Variants in TRMT11 observed in about 807,000 individuals in gnomAD.
The protein encoded by TRMT11 is tRNA methyltransferase 11.
A neutral mutation model predicts 62.8 loss-of-function variants in TRMT11; 53 were observed. That is an observed-to-expected ratio of 0.84 (90% confidence interval 0.68 to 1.06). The LOEUF (loss-of-function observed/expected upper bound fraction) is 1.06, where lower values mean the gene tolerates loss of function less well. Among genes scored for constraint, TRMT11 ranks in the 50% least tolerant of loss-of-function variants. TRMT11 has a pLI of 0.00. For missense variants in TRMT11, 556 were observed against 553.4 expected (o/e 1.00, Z -0.05); for synonymous variants, 188 against 190.3 (o/e 0.99, Z 0.10).
In TRMT11 at chr6:126,067,146, G is replaced by C. The variant is rs181065576; in HGVS notation, c.*1437+13956G>C. On this transcript the variant is annotated intron_variant and NMD_transcript_variant, in intron 17 of 22. Transcript: ENST00000648977. The stretch of plus-strand genomic sequence containing the variant: ...AGGAGGCTGAGGCAGGAGAATTGCT[G>C]CCGAGACTGTGCCATTGCACTCCAG... 3.2e-3 allele frequency among the ~76,000 whole-genome samples: 485 copies of C among 150,846 alleles called. 5 individuals carry two copies. The highest frequency in any genetic ancestry group is 0.011 in the African/African-American group (464 of 40,748).
downstream of TRMT11, among the ~76,000 whole-genome samples, chr6:126,204,284 A>G (rs1266251979): frequency 6.6e-6 from 1 of 152,168 alleles, no homozygotes; most frequent in Non-Finnish European, 1.5e-5. Flanking sequence ...TGCAGAATGC[A>G]TCACCTCAGC....
At chr6:126,110,166 A>C (rs1233701287) in intron 17 of TRMT11, among the ~76,000 whole-genome samples, 4 of 152,028 alleles carry the variant, frequency 2.6e-5, no homozygotes, top group African/African-American at 9.7e-5. Context: ...AGTTGTACCC[A>C]CCTTATCTGC....
chr6:126,096,282 G>T (rs191432427), intron 17 of TRMT11, among the ~76,000 whole-genome samples: 1 of 152,264 alleles, frequency 6.6e-6, no homozygotes, highest in East Asian at 1.9e-4. Context: ...CATTCATTCT[G>T]TTGTAAATTT....
intron 21 of TRMT11, among the ~76,000 whole-genome samples, chr6:126,128,874 A>G (rs11154345): frequency 0.25 from 38,261 of 151,396 alleles, 5,342 homozygotes; most frequent in Middle Eastern, 0.38. Flanking sequence ...GTAGGAGCAC[A>G]GCAGAAAAGA....
intron 17 of TRMT11, among the ~76,000 whole-genome samples, chr6:126,054,442 C>G (rs1776311022): frequency 1.3e-5 from 2 of 152,196 alleles, no homozygotes; most frequent in African/African-American, 4.8e-5. Flanking sequence ...CAGTAGAAAC[C>G]TTCCTGACCC....
chr6:126,121,637 G>C (rs961577970), intron 21 of TRMT11, among the ~76,000 whole-genome samples: 10 of 152,104 alleles, frequency 6.6e-5, no homozygotes, highest in Non-Finnish European at 1.5e-4. Context: ...TCCTAGTGCT[G>C]TTGTGAGGGT....
chr6:126,005,823 G>A (rs1188049866), intron 7 of TRMT11, among the ~76,000 whole-genome samples: 3 of 151,876 alleles, frequency 2.0e-5, no homozygotes, highest in Non-Finnish European at 2.9e-5. Flanking sequence ...CTCTGCAGCC[G>A]TAGATCTGAT....
At chr6:126,021,377 C>T in intron 12 of TRMT11, 97 bp downstream of exon 12, 2 of 1,396,416 alleles carry the variant, frequency 1.4e-6, no homozygotes, top group Non-Finnish European at 2.0e-6. Flanking sequence ...AATGTTATTC[C>T]TTGATATTTT....
chr6:126,250,906 A>AT, the TRMT11 span, among the ~76,000 whole-genome samples: 11 of 152,210 alleles, frequency 7.2e-5, no homozygotes, highest in African/African-American at 2.7e-4. Flanking sequence ...CCATCCAGAA[A>AT]TTATTGAATG....
At chr6:126,257,785 G>T in the TRMT11 span, 1 of 606,790 alleles carries the variant, frequency 1.6e-6, no homozygotes, top group Non-Finnish European at 2.9e-6. Flanking sequence ...CCCCAAAAAT[G>T]GAAAACGAAG....
intron 21 of TRMT11, among the ~76,000 whole-genome samples, chr6:126,171,511 G>A (rs922516457): frequency 2.0e-5 from 3 of 151,956 alleles, no homozygotes; most frequent in Non-Finnish European, 1.5e-5. Flanking sequence ...AATTATTTCA[G>A]GTTGTTGAAC....
At chr6:126,264,137 G>C in the TRMT11 span, among the ~76,000 whole-genome samples, 1 of 152,144 alleles carries the variant, frequency 6.6e-6, no homozygotes, top group African/African-American at 2.4e-5. Context: ...CTTATGTCAA[G>C]TTAAAGGAAC....
intron 17 of TRMT11, among the ~76,000 whole-genome samples, chr6:126,110,403 T>G (rs1399180564): frequency 2.0e-5 from 3 of 152,128 alleles, no homozygotes; most frequent in Non-Finnish European, 4.4e-5. Flanking sequence ...GAATGCTCAG[T>G]GAAATATGTA....
intron 1 of TRMT11, among the ~76,000 whole-genome samples, chr6:126,188,594 A>G (rs1778554330): frequency 1.3e-5 from 2 of 152,120 alleles, no homozygotes; most frequent in South Asian, 4.1e-4. Context: ...ATGTGATAAA[A>G]TTGTTTCTGG....
chr6:126,210,967 A>G, the TRMT11 span, among the ~76,000 whole-genome samples: 2 of 142,354 alleles, frequency 1.4e-5, no homozygotes, highest in East Asian at 4.4e-4. Context: ...TAAAAAGTTA[A>G]AGATAACATT....
At chr6:126,022,186 G>C (rs1286461023) in intron 12 of TRMT11, among the ~76,000 whole-genome samples, 1 of 150,286 alleles carries the variant, frequency 6.7e-6, no homozygotes, top group Non-Finnish European at 1.5e-5. Context: ...TGGGATTACA[G>C]GTGCCTGCCA....
At chr6:126,069,184 C>A (rs1776775870) in intron 17 of TRMT11, among the ~76,000 whole-genome samples, 1 of 152,238 alleles carries the variant, frequency 6.6e-6, no homozygotes, top group Non-Finnish European at 1.5e-5. Context: ...CTGTGCTTGA[C>A]TAAGCACACA....
At chr6:126,126,562 C>G (rs1048349967) in intron 21 of TRMT11, among the ~76,000 whole-genome samples, 1 of 152,126 alleles carries the variant, frequency 6.6e-6, no homozygotes, top group East Asian at 1.9e-4. Flanking sequence ...CCACACAGTT[C>G]TGAACCCATG....
chr6:126,066,801 G>T (rs956895445), intron 17 of TRMT11, among the ~76,000 whole-genome samples: 1 of 152,116 alleles, frequency 6.6e-6, no homozygotes, highest in Non-Finnish European at 1.5e-5. Flanking sequence ...ATGAGGCTTG[G>T]GGGGTGCCAT....
Sources: allele counts gnomAD v4.1 joint callset (sites outside exome capture counted in the v4.1 genomes callset), GRCh38; gene constraint gnomAD v4.1.1; transcripts MANE v1.5; gene names NCBI Gene and HGNC (gene_info 2026-07-23, HGNC 2026-07-21).